The following CTDSPL2 variants were observed in gnomAD, a reference collection of about 807,000 sequenced individuals.
CTDSPL2 encodes the protein CTD small phosphatase-like protein 2.
CTDSPL2 carries 5 observed loss-of-function variants against 60.0 expected under a neutral mutation model. The ratio of observed to expected loss-of-function variants is 0.08; its 90% CI spans 0.04 to 0.18. The LOEUF is 0.18. Ranked by LOEUF, CTDSPL2 falls within the 10% of genes least tolerant of loss-of-function variation. The probability of loss-of-function intolerance (pLI) is 1.00; values close to 1 mark genes in which losing one functional copy is unlikely to be tolerated. For synonymous variants in CTDSPL2, 186 were observed against 189.3 expected (o/e 0.98, Z 0.14); for missense variants, 370 against 548.8 (o/e 0.67, Z 3.26).
chr15:44,471,915 T>C (rs986602135), intron 2 of CTDSPL2, among the ~76,000 whole-genome samples: 3 of 151,772 alleles, frequency 2.0e-5, no homozygotes, highest in Non-Finnish European at 4.4e-5. Context: ...AGTGCATCCA[T>C]GGTGCATTTG....
chr15:44,456,065 T>C (rs1247111164), intron 1 of CTDSPL2, among the ~76,000 whole-genome samples: 2 of 151,718 alleles, frequency 1.3e-5, no homozygotes, highest in African/African-American at 4.8e-5. Flanking sequence ...TTAGCCAGGA[T>C]GGTCTCGATC....
chr15:44,481,862 A>C (rs1026512345), intron 2 of CTDSPL2, among the ~76,000 whole-genome samples: 6 of 152,136 alleles, frequency 3.9e-5, no homozygotes, highest in African/African-American at 1.4e-4. Flanking sequence ...CTTCAGCCAC[A>C]GCGCCCGGCC....
chr15:44,502,763 G>A (rs566824924), intron 8 of CTDSPL2, among the ~76,000 whole-genome samples: 10 of 152,132 alleles, frequency 6.6e-5, no homozygotes, highest in African/African-American at 2.4e-4. Flanking sequence ...TCTTGTAAAT[G>A]TATGTAGAAA....
chr15:44,462,216 A>C (rs1322601162), intron 2 of CTDSPL2, among the ~76,000 whole-genome samples: 1 of 152,200 alleles, frequency 6.6e-6, no homozygotes, highest in Admixed American at 6.5e-5. Flanking sequence ...AGTGTGAGCC[A>C]CTGAGCCTGG....
intron 2 of CTDSPL2, among the ~76,000 whole-genome samples, chr15:44,471,416 A>G (rs2080807068): frequency 6.6e-6 from 1 of 152,072 alleles, no homozygotes; most frequent in Non-Finnish European, 1.5e-5. Context: ...AGAAGCTTTT[A>G]TTTACTTATT....
chr15:44,444,755 A>G (rs908077656), intron 1 of CTDSPL2, among the ~76,000 whole-genome samples: 8 of 128,066 alleles, frequency 6.2e-5, no homozygotes, highest in African/African-American at 2.4e-4. Context: ...TTTGGCGTTT[A>G]GATATATAGT....
At chr15:44,428,596 T>C (rs1204394641) in intron 1 of CTDSPL2, among the ~76,000 whole-genome samples, 1 of 152,202 alleles carries the variant, frequency 6.6e-6, no homozygotes, top group East Asian at 1.9e-4. Flanking sequence ...CTCGTAAACT[T>C]ACCTGAGATC....
intron 2 of CTDSPL2, among the ~76,000 whole-genome samples, chr15:44,465,098 G>A (rs2080658464): frequency 6.6e-6 from 1 of 152,126 alleles, no homozygotes; most frequent in African/African-American, 2.4e-5. Flanking sequence ...CATAAACTTT[G>A]GGGTAACACT....
intron 2 of CTDSPL2, among the ~76,000 whole-genome samples, chr15:44,462,700 CTTTTTTTTTT>C (rs554319789): frequency 6.0e-5 from 5 of 83,744 alleles, no homozygotes; most frequent in South Asian, 3.9e-4. Flanking sequence ...ACACTCAGGA[CTTTTTTTTTT>C]TTTTTTTTTT....
chr15:44,430,524 GGTATTTGCCACCAAGCCGA>G (rs978246153), intron 1 of CTDSPL2, among the ~76,000 whole-genome samples: 12 of 152,142 alleles, frequency 7.9e-5, no homozygotes, highest in Non-Finnish European at 1.8e-4. Context: ...TGGGAAGACG[GGTATTTGCCACCAAGCCGA>G]GTCCAAAATA....
At chr15:44,515,328 G>T (rs551840806) in intron 10 of CTDSPL2, among the ~76,000 whole-genome samples, 23 of 152,284 alleles carry the variant, frequency 1.5e-4, no homozygotes, top group African/African-American at 5.3e-4. Flanking sequence ...ATTACAGTGG[G>T]TTTAGTCACT....
At chr15:44,489,897 G>A (rs538728515) in intron 4 of CTDSPL2, among the ~76,000 whole-genome samples, 96 of 152,298 alleles carry the variant, frequency 6.3e-4, no homozygotes, top group Non-Finnish European at 1.1e-3. Flanking sequence ...CGATTGGATA[G>A]TAGCAATGGA....
chr15:44,524,081 T>C (rs778497367), intron 12 of CTDSPL2, 28 bp from the exon 13 acceptor site: 2 of 1,597,658 alleles, frequency 1.3e-6, no homozygotes, highest in African/African-American at 2.7e-5. Context: ...TTTTATGCCT[T>C]TTTAAAAATT....
chr15:44,505,116 C>A (rs983541250), intron 8 of CTDSPL2, among the ~76,000 whole-genome samples: 6 of 151,888 alleles, frequency 4.0e-5, no homozygotes, highest in African/African-American at 1.5e-4. Flanking sequence ...ATGTATCTTT[C>A]AAAATTAGGA....
chr15:44,504,117 A>G (rs200201271), intron 8 of CTDSPL2, among the ~76,000 whole-genome samples: 1 of 152,034 alleles, frequency 6.6e-6, no homozygotes, highest in East Asian at 1.9e-4. Flanking sequence ...GGAGGCGGAG[A>G]TGGGCAGATC....
intron 1 of CTDSPL2, chr15:44,448,727 T>G: frequency 2.9e-6 from 1 of 340,564 alleles, no homozygotes. Context: ...TTCAGGTGAT[T>G]GGCATCGATA....
In CTDSPL2 at chr15:44,427,631, A is replaced by C. The variant is rs939841712; in HGVS notation, c.-166A>C. 2.5e-6 allele frequency: 1 copy of C among 399,244 alleles called. No homozygotes were observed. The highest frequency in any genetic ancestry group is 4.4e-6 in the Non-Finnish European group (1 of 226,224). The allele number at this position is 399,244 out of a possible 1,614,324, so 24.7% of individuals were successfully genotyped here. A position where few individuals can be genotyped will look rare whatever the true frequency, so the allele number is the denominator to read the frequency against. On this transcript the variant is annotated 5_prime_UTR_variant, in exon 1 of 13. Transcript: ENST00000260327. ...ATCCGGGTCCCTGTCCGTGCGGTGC[A>C]GCAGGTCGGTAGGCGGGAAATGGCG...
intron 1 of CTDSPL2, among the ~76,000 whole-genome samples, chr15:44,456,565 G>A (rs1178533353): frequency 6.6e-6 from 1 of 152,170 alleles, no homozygotes; most frequent in African/African-American, 2.4e-5. Context: ...GTAGTAGTTT[G>A]TATTTCTGTG....
rs747762814 is a variant in CTDSPL2, at chr15:44,528,892, T to C, written c.*4718T>C. On this transcript the variant is annotated 3_prime_UTR_variant, in exon 13 of 13. Transcript: ENST00000260327. ...GAATCAATATTAAAGTCATGGACATTTTAAAATCTCAATTTAATTTCTTCT... is the reference window on the plus strand; with the variant it reads ...GAATCAATATTAAAGTCATGGACATCTTAAAATCTCAATTTAATTTCTTCT... The C allele has an allele frequency of 1.2e-4, 18 of 152,208 alleles. No individual in the cohort carries two copies. The South Asian group carries it at 2.1e-3, about 18-fold the overall frequency. 9.4% of individuals were successfully genotyped at this position (152,208 alleles called of 1,614,324 possible).
Sources: gnomAD v4.1 joint callset for allele counts (sites outside exome capture counted in the v4.1 genomes callset) on GRCh38, gnomAD v4.1.1 for gene constraint, MANE v1.5 for transcripts, NCBI Gene and HGNC (gene_info 2026-07-23, HGNC 2026-07-21) for gene names.